B3GALT1: variants seen among roughly 807,000 people sequenced by gnomAD.
B3GALT1 encodes the protein beta-1,3-galactosyltransferase 1, also known as UDP-Gal:betaGlcNAc beta 1,3-galactosyltransferase, polypeptide 1.
A neutral mutation model predicts 23.2 loss-of-function variants in B3GALT1; 10 were observed. That is an observed-to-expected ratio of 0.43 (90% CI 0.27 to 0.73). The LOEUF is 0.73. B3GALT1 is among the 30% of genes least tolerant of loss of function. The pLI is 0.21. For missense variants in B3GALT1, 299 were observed against 405.4 expected (o/e 0.74, Z 2.25); for synonymous variants, 156 against 141.5 (o/e 1.10, Z -0.73).
chr2:167,415,296 C>T (rs1698451851), intron 1 of B3GALT1, among the ~76,000 whole-genome samples: 1 of 152,176 alleles, frequency 6.6e-6, no homozygotes, highest in South Asian at 2.1e-4. Flanking sequence ...CCAGCTCCCT[C>T]ATTATATGAT....
At chr2:167,486,403 C>T (rs747408038) in intron 1 of B3GALT1, among the ~76,000 whole-genome samples, 1 of 149,426 alleles carries the variant, frequency 6.7e-6, no homozygotes, top group Non-Finnish European at 1.5e-5. Context: ...TTATATCTCA[C>T]AAACTAAATA....
At chr2:167,396,817 C>A (rs1258423761) in intron 1 of B3GALT1, among the ~76,000 whole-genome samples, 2 of 151,920 alleles carry the variant, frequency 1.3e-5, no homozygotes, top group Non-Finnish European at 2.9e-5. Flanking sequence ...AAGTATAATA[C>A]TATCCCTCAC....
chr2:167,575,668 A>G (rs1360976234), intron 2 of B3GALT1, among the ~76,000 whole-genome samples: 2 of 151,826 alleles, frequency 1.3e-5, no homozygotes, highest in Admixed American at 6.6e-5. Context: ...TCTGAAATGC[A>G]TTTTTATAAA....
chr2:167,785,954 C>A (rs968188294), intron 3 of B3GALT1, among the ~76,000 whole-genome samples: 1 of 152,190 alleles, frequency 6.6e-6, no homozygotes, highest in South Asian at 2.1e-4. Context: ...AAACTCTTAA[C>A]AACTGTTCAA....
intron 3 of B3GALT1, among the ~76,000 whole-genome samples, chr2:167,754,053 T>C (rs1687778782): frequency 1.3e-5 from 2 of 152,232 alleles, no homozygotes; most frequent in East Asian, 1.9e-4. Context: ...GGTTACCGTA[T>C]TGGCAATGTA....
chr2:167,601,856 C>A (rs1166339046), intron 2 of B3GALT1, among the ~76,000 whole-genome samples: 1 of 152,194 alleles, frequency 6.6e-6, no homozygotes, highest in Non-Finnish European at 1.5e-5. Flanking sequence ...CAGCAGTGAA[C>A]ATGAAAAGCT....
intron 2 of B3GALT1, among the ~76,000 whole-genome samples, chr2:167,570,522 C>A (rs916102545): frequency 4.0e-5 from 6 of 151,660 alleles, no homozygotes; most frequent in Non-Finnish European, 8.8e-5. Flanking sequence ...TGCTTCTAAG[C>A]GATTGTAGTG....
At chr2:167,331,214 C>T (rs1336057489) in intron 1 of B3GALT1, among the ~76,000 whole-genome samples, 1 of 152,142 alleles carries the variant, frequency 6.6e-6, no homozygotes, top group Non-Finnish European at 1.5e-5. Flanking sequence ...GGTAGGCCAG[C>T]TTTGGGCCCT....
At chr2:167,632,223 T>G (rs1328072460) in intron 2 of B3GALT1, among the ~76,000 whole-genome samples, 1 of 152,010 alleles carries the variant, frequency 6.6e-6, no homozygotes, top group South Asian at 2.1e-4. Flanking sequence ...GTTCCAAGTC[T>G]TTGCTATTGT....
intron 1 of B3GALT1, among the ~76,000 whole-genome samples, chr2:167,452,720 A>G (rs1464242454): frequency 6.6e-6 from 1 of 152,184 alleles, no homozygotes; most frequent in Non-Finnish European, 1.5e-5. Flanking sequence ...CCTTGTATCC[A>G]TCATTTTCCT....
intron 2 of B3GALT1, among the ~76,000 whole-genome samples, chr2:167,497,788 C>T (rs1011558392): frequency 2.0e-5 from 3 of 151,706 alleles, no homozygotes; most frequent in African/African-American, 7.3e-5. Context: ...TTACAGAGGC[C>T]ATTGATGACC....
intron 2 of B3GALT1, among the ~76,000 whole-genome samples, chr2:167,511,419 C>T (rs1165992931): frequency 6.6e-6 from 1 of 152,144 alleles, no homozygotes; most frequent in African/African-American, 2.4e-5. Flanking sequence ...ATTTCTCTCT[C>T]CTGTCACCAC....
intron 4 of B3GALT1, among the ~76,000 whole-genome samples, chr2:167,866,276 G>A (rs115128923): frequency 0.025 from 3,855 of 152,242 alleles, 66 homozygotes; most frequent in Non-Finnish European, 0.04. Flanking sequence ...CAGTCTGCAG[G>A]ACTTAACCTT....
intron 4 of B3GALT1, among the ~76,000 whole-genome samples, chr2:167,822,902 A>G (rs952748942): frequency 2.0e-5 from 3 of 152,224 alleles, no homozygotes; most frequent in Non-Finnish European, 4.4e-5. Flanking sequence ...TGATGATTCA[A>G]TCAGATGTGT....
At chr2:167,632,125 C>T (rs1446916712) in intron 2 of B3GALT1, among the ~76,000 whole-genome samples, 1 of 151,986 alleles carries the variant, frequency 6.6e-6, no homozygotes, top group Admixed American at 6.6e-5. Flanking sequence ...GACATGAACT[C>T]ATCCTTTTTT....
chr2:167,673,529 C>T (rs916337182), intron 3 of B3GALT1, among the ~76,000 whole-genome samples: 2 of 151,994 alleles, frequency 1.3e-5, no homozygotes, highest in African/African-American at 4.8e-5. Flanking sequence ...TACCCATTTA[C>T]TTCCAATGAT....
chr2:167,358,478 G>A (rs770584225), intron 1 of B3GALT1, among the ~76,000 whole-genome samples: 24 of 152,100 alleles, frequency 1.6e-4, no homozygotes, highest in Non-Finnish European at 3.2e-4. Context: ...GTTTTTTTGT[G>A]TATGAATAAA....
At chr2:167,745,788 T>G (rs890863149) in intron 3 of B3GALT1, among the ~76,000 whole-genome samples, 1 of 152,182 alleles carries the variant, frequency 6.6e-6, no homozygotes, top group African/African-American at 2.4e-5. Flanking sequence ...ACGTATAGTG[T>G]GGTTCCATTA....
At chr2:167,371,011 T>C (rs1220639080) in intron 1 of B3GALT1, among the ~76,000 whole-genome samples, 1 of 152,306 alleles carries the variant, frequency 6.6e-6, no homozygotes, top group African/African-American at 2.4e-5. Flanking sequence ...GGATTATAAA[T>C]TCTGTGCATC....
Sources: allele counts gnomAD v4.1 joint callset (sites outside exome capture counted in the v4.1 genomes callset), GRCh38; gene constraint gnomAD v4.1.1; transcripts MANE v1.5; gene names NCBI Gene and HGNC (gene_info 2026-07-23, HGNC 2026-07-21).